The following C14orf93 variants were observed in gnomAD, a reference collection of about 807,000 sequenced individuals.
The protein encoded by C14orf93 is uncharacterized protein C14orf93.
Under a neutral mutation model 44.0 loss-of-function variants are expected in C14orf93, and 23 were observed. The observed-to-expected ratio is 0.52, with a 90% CI of 0.38 to 0.74. The LOEUF is 0.74. Ranked by LOEUF, C14orf93 falls within the 30% of genes least tolerant of loss-of-function variation. The pLI is 0.00. For synonymous variants in C14orf93, 253 were observed against 265.7 expected (o/e 0.95, Z 0.46); for missense variants, 579 against 678.9 (o/e 0.85, Z 1.64).
chr14:22,988,015 C>G lies in C14orf93; in HGVS notation c.1085G>C (p.Gly362Ala). Residue 362 changes from glycine (G) to alanine (A), a missense_variant and splice_region_variant, in exon 6 of 7, where the codon GGA (glycine) becomes GCA (alanine). Transcript: ENST00000299088. ...PHNYTDKELK[G>A]ACVAYFLTKR... The stretch of plus-strand genomic sequence containing the variant: ...AGTAAGGAAGTAGGCCACACAGGCT[C>G]CTGGCGGGGAGGGAAGGAAGGGAGC... 1 of 1,608,832 alleles carries G rather than the reference C, an allele frequency of 6.2e-7. No individual in the cohort carries two copies. The highest frequency in any genetic ancestry group is 8.5e-7 in the Non-Finnish European group (1 of 1,175,864).
chr14:22,999,642 C>G lies in C14orf93; in HGVS notation c.-379-240G>C, dbSNP rs75912645. On this transcript the variant is annotated intron_variant, in intron 1 of 6. Transcript: ENST00000299088. ...TTTTTCAAGGTCAGAGGAATAACAG[C>G]AGAATCCAGTTATTGCTACTTTCAA... is the stretch of plus-strand genomic sequence containing the variant. Among the ~76,000 whole-genome samples the G allele has an allele frequency of 2.4e-3, 366 of 152,278 alleles. 1 individual carries two copies. The highest frequency in any genetic ancestry group is 8.4e-3 in the African/African-American group (349 of 41,550).
intron 3 of C14orf93, among the ~76,000 whole-genome samples, chr14:22,990,370 G>A (rs757037368): frequency 2.0e-5 from 3 of 152,196 alleles, no homozygotes; most frequent in Non-Finnish European, 2.9e-5. Flanking sequence ...GATCACTGGA[G>A]CAGAGGGTCT....
chr14:22,987,753 A>G lies in C14orf93; in HGVS notation c.1198-119T>C. 2 of 1,262,470 alleles carry G rather than the reference A, an allele frequency of 1.6e-6. No individual in the cohort carries two copies. The highest frequency in any genetic ancestry group is 2.4e-5 in the East Asian group (1 of 42,532). The allele number at this position is 1,262,470 out of a possible 1,614,324, so 78.2% of individuals were successfully genotyped here. On this transcript the variant is annotated intron_variant, in intron 6 of 6. Coordinates refer to ENST00000299088, the MANE Select transcript of C14orf93 (RefSeq NM_021944.4). The surrounding 1 kb of genome is among the most constrained non-coding windows in gnomAD (Gnocchi z 5.6). ...TGTGCCTAAGTGAACCCAGTCCCCA[A>G]GTCAGATCTTAGCATTGGCTCACTG... is the stretch of plus-strand genomic sequence containing the variant.
intron 1 of C14orf93, chr14:23,005,027 A>G (rs1316092280): frequency 1.3e-5 from 2 of 152,252 alleles, no homozygotes; most frequent in Admixed American, 6.5e-5. Context: ...TAATGGAAAC[A>G]TTAACAAAAT....
At chr14:22,998,086 G>A (rs1381596340) in intron 2 of C14orf93, 1 of 252,024 alleles carries the variant, frequency 4.0e-6, no homozygotes, top group East Asian at 7.6e-5. Context: ...AAATATGAAT[G>A]AGCCGTCTGT....
chr14:22,990,216 C>A, intron 3 of C14orf93, 89 bp from the exon 4 acceptor site: 1 of 1,110,320 alleles, frequency 9.0e-7, no homozygotes, highest in Non-Finnish European at 1.3e-6. Flanking sequence ...GGTATTGTCC[C>A]TAAGGGGCTC....
intron 1 of C14orf93, among the ~76,000 whole-genome samples, chr14:23,003,515 C>G (rs1364693332): frequency 6.6e-6 from 1 of 151,860 alleles, no homozygotes; most frequent in African/African-American, 2.4e-5. Context: ...CTGGGCCAGG[C>G]ACGTGGCTTA....
intron 1 of C14orf93, among the ~76,000 whole-genome samples, chr14:23,004,150 C>T (rs1386577632): frequency 2.7e-5 from 4 of 150,386 alleles, no homozygotes; most frequent in African/African-American, 4.9e-5. Flanking sequence ...CCTTGTGATC[C>T]GCCCTCCTCA....
At chr14:22,995,613 G>A (rs375760442) in intron 3 of C14orf93, among the ~76,000 whole-genome samples, 1 of 149,868 alleles carries the variant, frequency 6.7e-6, no homozygotes, top group Admixed American at 6.7e-5. Context: ...CTGGGAGGTG[G>A]AGGTTGCAGT....
chr14:22,998,426 CAG>C lies in C14orf93; in HGVS notation c.596_597del (p.Leu200GlyfsTer3). 1 of 1,548,818 alleles carries C rather than the reference CAG, an allele frequency of 6.5e-7. No homozygotes were observed. The highest frequency in any genetic ancestry group is 2.3e-5 in the East Asian group (1 of 43,382). ...AASEAAPLLN[P>X]LVDDYVASEG... ...GAATAGCCCTCTGCTGCCATACTCACAGGATTGAGCAGGGGGGCCGCCTCGCT... is the reference window on the plus strand; with the variant it reads ...GAATAGCCCTCTGCTGCCATACTCACGATTGAGCAGGGGGGCCGCCTCGCT... On this transcript the variant is annotated frameshift_variant and splice_region_variant, in exon 2 of 7. Coordinates refer to ENST00000299088, the MANE Select transcript of C14orf93 (RefSeq NM_021944.4). LOFTEE classifies it high-confidence loss of function.
intron 1 of C14orf93, among the ~76,000 whole-genome samples, chr14:23,003,049 G>C (rs1594670251): frequency 1.3e-5 from 2 of 152,062 alleles, no homozygotes; most frequent in East Asian, 3.8e-4. Context: ...ATCATGACCT[G>C]GTCTCAGACT....
Position 22,996,263 on chromosome 14 carries a change from C to T in C14orf93, c.603G>A (p.Val201=). Residue 201 remains valine (V), a synonymous_variant, in exon 3 of 7, where the codon GTG becomes GTA. Coordinates refer to ENST00000299088, the MANE Select transcript of C14orf93 (RefSeq NM_021944.4). The surrounding 1 kb of genome is among the most constrained non-coding windows in gnomAD (Gnocchi z 4.1). The stretch of plus-strand genomic sequence containing the variant: ...CACCCTCAGAGGCCACGTAATCATC[C>T]ACCAGCTAAGAACATAAAAAATAAT... ...SEAAPLLNPL[V]DDYVASEGAV... 1 of 1,546,708 alleles carries T rather than the reference C, an allele frequency of 6.5e-7. No homozygotes were observed. Among genetic ancestry groups the T allele is most frequent in the Non-Finnish European group, 8.8e-7 (1 of 1,141,970 alleles).
Position 22,998,506 on chromosome 14 carries a change from C to T in C14orf93, c.518G>A (p.Gly173Asp). The change falls in exon 2 of 7, where the codon GGC becomes GAC. Residue 173 changes from glycine to aspartate, a missense_variant. By Grantham distance (94) the Gly-to-Asp change is moderately conservative. Transcript: ENST00000299088. ...GAASVGPGPL[G>D]FPATQRDMRL... is the part of the protein sequence containing the mutation. ...CATGTCCCTCTGAGTTGCTGGGAAGCCCAAAGGCCCAGGCCCCACTGAGGC... is the reference window on the plus strand; with the variant it reads ...CATGTCCCTCTGAGTTGCTGGGAAGTCCAAAGGCCCAGGCCCCACTGAGGC... 5.0e-6 allele frequency: 8 copies of T among 1,612,894 alleles called. No homozygotes were observed. The highest frequency in any genetic ancestry group is 6.8e-6 in the Non-Finnish European group (8 of 1,179,758).
At position 22,987,873 on chromosome 14, in the gene C14orf93, G is replaced by C; in HGVS notation, c.1197+30C>G. 1 of 1,546,868 alleles carries C rather than the reference G, an allele frequency of 6.5e-7. No individual in the cohort carries two copies. Among genetic ancestry groups the C allele is most frequent in the Non-Finnish European group, 8.9e-7 (1 of 1,120,154 alleles). ...CACTTAGGAAAGGGTTTAGAGTTTA[G>C]TATCTTGAAAGAAAGGCCTAGAAAC... On this transcript the variant is annotated intron_variant, in intron 6 of 6. Transcript: ENST00000299088. This position sits in a 1 kb window ranked among gnomAD's most constrained non-coding sequence, Gnocchi z 5.6.
In C14orf93 at chr14:22,987,162, A is replaced by G; in HGVS notation, c.*53T>C. 1 of 1,517,594 alleles carries G rather than the reference A, an allele frequency of 6.6e-7. No homozygotes were observed. Among genetic ancestry groups the G allele is most frequent in the South Asian group, 1.3e-5 (1 of 78,628 alleles). The allele number at this position is 1,517,594 out of a possible 1,614,324, so 94.0% of individuals were successfully genotyped here. Reference sequence around the variant, plus strand: ...ATTTTGTGAAGCCCCATGGCCACCTATTTCTGAGACATGGGGCATGGCGGA... The same window carrying G: ...ATTTTGTGAAGCCCCATGGCCACCTGTTTCTGAGACATGGGGCATGGCGGA... On this transcript the variant is annotated 3_prime_UTR_variant, in exon 7 of 7. Transcript: ENST00000299088. This position sits in a 1 kb window ranked among gnomAD's most constrained non-coding sequence, Gnocchi z 5.6.
rs149036145 is a variant in C14orf93, at chr14:22,997,624, C to G, written c.597+803G>C. On this transcript the variant is annotated intron_variant, in intron 2 of 6. Coordinates refer to ENST00000299088, the MANE Select transcript of C14orf93 (RefSeq NM_021944.4). ...CCAGGATTTTCCTGCTCATATGGCCCTTAAGCAGTAAAGAAACTGAAATAG... is the reference window on the plus strand; with the variant it reads ...CCAGGATTTTCCTGCTCATATGGCCGTTAAGCAGTAAAGAAACTGAAATAG... Among the ~76,000 whole-genome samples the G allele has an allele frequency of 5.8e-3, 878 of 152,300 alleles. 40 individuals are homozygous for G. The highest frequency in any genetic ancestry group is 0.055 in the Admixed American group (847 of 15,288).
At chr14:22,990,912 G>A (rs867188439) in intron 3 of C14orf93, among the ~76,000 whole-genome samples, 3 of 149,740 alleles carry the variant, frequency 2.0e-5, no homozygotes, top group Non-Finnish European at 4.4e-5. Context: ...TCTGCCTCTC[G>A]GGTTCACGCC....
chr14:22,989,683 G>A, intron 5 of C14orf93, 59 bp downstream of exon 5: 1 of 1,156,656 alleles, frequency 8.6e-7, no homozygotes, highest in Middle Eastern at 2.0e-4. Context: ...GACCAAGAAA[G>A]AGGAGTGGGA....
At position 22,998,757 on chromosome 14, in the gene C14orf93, C is replaced by G. The variant is rs2046143353; in HGVS notation, c.267G>C (p.Leu89Phe). Residue 89 changes from leucine (L) to phenylalanine (F), a missense_variant, in exon 2 of 7, where the codon TTG becomes TTC. Leu to Phe is a conservative substitution (Grantham distance 22). Transcript: ENST00000299088. ...ALGLARANNE[L>F]LKRLQEEVGD... ...CCACTTCCTCCTGGAGACGTTTTAACAACTCATTGTTGGCCCTGGCAAGAC... is the reference window on the plus strand; with the variant it reads ...CCACTTCCTCCTGGAGACGTTTTAAGAACTCATTGTTGGCCCTGGCAAGAC... 22 of 1,614,224 alleles carry G rather than the reference C, an allele frequency of 1.4e-5. No individual in the cohort carries two copies. The highest frequency in any genetic ancestry group is 1.9e-5 in the Non-Finnish European group (22 of 1,180,038).
Sources: gnomAD v4.1 joint callset for allele counts (sites outside exome capture counted in the v4.1 genomes callset) on GRCh38, gnomAD v4.1.1 for gene constraint, Gnocchi (gnomAD v3.1) non-coding constraint, MANE v1.5 for transcripts, NCBI Gene and HGNC (gene_info 2026-07-23, HGNC 2026-07-21) for gene names.